Variants in LSM14A observed in about 807,000 individuals in gnomAD.
LSM14A encodes the protein LSM14A mRNA processing body assembly factor.
A neutral mutation model predicts 52.4 loss-of-function variants in LSM14A; 14 were observed. That is an observed-to-expected ratio of 0.27 (90% CI 0.18 to 0.42). The LOEUF is 0.42. Among genes scored for constraint, LSM14A ranks in the 10% least tolerant of loss-of-function variants. The pLI, the probability that LSM14A is intolerant of heterozygous loss-of-function variation, is 1.00. For missense variants in LSM14A, 417 were observed against 581.8 expected, an observed-to-expected ratio of 0.72 and a Z score of 2.91; for synonymous variants, 185 against 200.3, an observed-to-expected ratio of 0.92 and a Z score of 0.64.
At chr19:34,196,865 G>C in intron 3 of LSM14A, 102 bp downstream of exon 3, 2 of 1,000,248 alleles carry the variant, frequency 2.0e-6, no homozygotes, top group Non-Finnish European at 2.9e-6. Context: ...GTTGTTTGAT[G>C]TTCCTTTTGT....
chr19:34,179,797 ATAGTT>A (rs1159132690), intron 1 of LSM14A, among the ~76,000 whole-genome samples: 1 of 152,248 alleles, frequency 6.6e-6, no homozygotes, highest in Non-Finnish European at 1.5e-5. Flanking sequence ...GTAACTACAG[ATAGTT>A]TAACTTGAAT....
intron 9 of LSM14A, among the ~76,000 whole-genome samples, chr19:34,225,990 A>G (rs2073316275): frequency 6.6e-6 from 1 of 151,824 alleles, no homozygotes; most frequent in Non-Finnish European, 1.5e-5. Flanking sequence ...TGAACCTGGG[A>G]GGTCAAGGCT....
At chr19:34,176,359 A>C (rs1366859595) in intron 1 of LSM14A, among the ~76,000 whole-genome samples, 1 of 152,124 alleles carries the variant, frequency 6.6e-6, no homozygotes, top group Non-Finnish European at 1.5e-5. Context: ...ATAAGATAAA[A>C]ATGAAATATT....
chr19:34,181,303 T>TA (rs2069464287), intron 1 of LSM14A, among the ~76,000 whole-genome samples: 2 of 152,214 alleles, frequency 1.3e-5, no homozygotes, highest in African/African-American at 4.8e-5. Flanking sequence ...CCACTGTACT[T>TA]GAACTGAATT....
chr19:34,196,572 T>G (rs1250873240), intron 2 of LSM14A, 62 bp from the exon 3 acceptor site: 6 of 1,488,992 alleles, frequency 4.0e-6, no homozygotes, highest in Non-Finnish European at 5.4e-6. Context: ...ATCTGGAATT[T>G]TTTTTTTCGT....
chr19:34,194,632 T>C lies in LSM14A; in HGVS notation c.276T>C (p.Ala92=). Residue 92 remains alanine (A), a synonymous_variant, in exon 2 of 10, where the codon GCT becomes GCC. Coordinates refer to ENST00000544216, the MANE Select transcript of LSM14A (RefSeq NM_015578.4). ...KPQCSLPQDP[A]IVQSSLGSST... The stretch of plus-strand genomic sequence containing the variant: ...AGTGTTCTTTGCCTCAAGACCCAGC[T>C]ATTGTTCAGGTAACTGATGGTAAAT... 2 of 1,614,192 alleles carry C rather than the reference T, an allele frequency of 1.2e-6. No individual in the cohort carries two copies. The highest frequency in any genetic ancestry group is 2.2e-5 in the East Asian group (1 of 44,884).
At chr19:34,181,037 C>T (rs1292009452) in intron 1 of LSM14A, among the ~76,000 whole-genome samples, 1 of 152,174 alleles carries the variant, frequency 6.6e-6, no homozygotes, top group Non-Finnish European at 1.5e-5. Flanking sequence ...TTTTGATAAA[C>T]TTACCCCTCA....
At chr19:34,183,167 C>A (rs1259242298) in intron 1 of LSM14A, among the ~76,000 whole-genome samples, 1 of 152,138 alleles carries the variant, frequency 6.6e-6, no homozygotes, top group African/African-American at 2.4e-5. Context: ...TAAATTTAAA[C>A]CATTGGGTAA....
Position 34,172,551 on chromosome 19 carries a change from G to A in LSM14A, c.-92G>A. The A allele has an allele frequency of 7.2e-7, 1 of 1,389,918 alleles. No individual in the cohort carries two copies. Among genetic ancestry groups the A allele is most frequent in the Non-Finnish European group, 9.4e-7 (1 of 1,066,196 alleles). The allele number at this position is 1,389,918 out of a possible 1,614,324, so 86.1% of individuals were successfully genotyped here. A position where few individuals can be genotyped will look rare whatever the true frequency, so the allele number is the denominator to read the frequency against. ...TGTTGGGTCTGAAGCGGCTGCTGTA[G>A]GCGCCGACGGAGCGAGCGGGCGTGC... On this transcript the variant is annotated 5_prime_UTR_variant, in exon 1 of 10. An upstream open reading frame in the 5' UTR loses its in-frame stop. Transcript: ENST00000544216.
intron 1 of LSM14A, among the ~76,000 whole-genome samples, chr19:34,173,470 C>T (rs902557759): frequency 6.6e-6 from 1 of 152,172 alleles, no homozygotes; most frequent in Non-Finnish European, 1.5e-5. Flanking sequence ...CCTTCTTGAC[C>T]AGGCAAGCTT....
chr19:34,196,242 A>C (rs2070827966), intron 2 of LSM14A, among the ~76,000 whole-genome samples: 2 of 152,208 alleles, frequency 1.3e-5, no homozygotes, highest in South Asian at 2.1e-4. Flanking sequence ...GATTGAAAAT[A>C]AGAGTAAAAT....
Position 34,209,022 on chromosome 19 carries a change from C to G in LSM14A, c.509C>G (p.Thr170Arg), listed in dbSNP as rs764222496. ...SAVGSAFTQD[T>R]RSLKTQLSQG... Reference sequence around the variant, plus strand: ...GTTGGTTCTGCCTTTACACAGGATACAAGATCTCTAAAAACACAGTTATCT... The same window carrying G: ...GTTGGTTCTGCCTTTACACAGGATAGAAGATCTCTAAAAACACAGTTATCT... Residue 170 changes from threonine (T) to arginine (R), a missense_variant, in exon 4 of 10, where the codon ACA becomes AGA. This residue lies in a region of LSM14A where 357 missense variants were observed against 457.0 expected (regional missense o/e 0.78). Coordinates refer to ENST00000544216, the MANE Select transcript of LSM14A (RefSeq NM_015578.4). 1.3e-6 allele frequency: 2 copies of G among 1,593,552 alleles called. No homozygotes were observed. The highest frequency in any genetic ancestry group is 1.7e-6 in the Non-Finnish European group (2 of 1,168,032).
intron 1 of LSM14A, among the ~76,000 whole-genome samples, chr19:34,179,092 A>T (rs1325139237): frequency 6.6e-6 from 1 of 152,258 alleles, no homozygotes; most frequent in African/African-American, 2.4e-5. Flanking sequence ...TACCTGGATA[A>T]TCATTCAAAT....
intron 9 of LSM14A, among the ~76,000 whole-genome samples, chr19:34,223,801 TAGC>T (rs2073194246): frequency 1.3e-5 from 2 of 152,348 alleles, no homozygotes; most frequent in South Asian, 4.1e-4. Context: ...ATGAGAATAA[TAGC>T]AGTAGTTACT....
At chr19:34,174,627 T>C (rs1378319156) in intron 1 of LSM14A, among the ~76,000 whole-genome samples, 1 of 152,258 alleles carries the variant, frequency 6.6e-6, no homozygotes, top group Non-Finnish European at 1.5e-5. Flanking sequence ...ACTTAGTTTT[T>C]GCTTGGCCTT....
Position 34,194,557 on chromosome 19 carries a change from C to A in LSM14A, c.201C>A (p.Phe67Leu), listed in dbSNP as rs2070707373. Residue 67 changes from phenylalanine to leucine, a missense_variant, in exon 2 of 10, where the codon TTC (phenylalanine) becomes TTA (leucine). By Grantham distance (22) the Phe-to-Leu change is conservative (BLOSUM62 0). Coordinates refer to ENST00000544216, the MANE Select transcript of LSM14A (RefSeq NM_015578.4). The part of the protein sequence containing the change: ...PRDEVFEYII[F>L]RGSDIKDLTV... ...ATGAAGTCTTTGAATACATTATATT[C>A]CGTGGGAGTGACATTAAAGACCTTA... 1 of 1,613,882 alleles carries A rather than the reference C, an allele frequency of 6.2e-7. No individual in the cohort carries two copies. The highest frequency in any genetic ancestry group is 1.3e-5 in the African/African-American group (1 of 74,912).
At chr19:34,221,145 C>T (rs1306772730) in intron 8 of LSM14A, among the ~76,000 whole-genome samples, 2 of 147,238 alleles carry the variant, frequency 1.4e-5, no homozygotes, top group African/African-American at 2.5e-5. Flanking sequence ...TGCAGTGGCT[C>T]GATCTCGACT....
At chr19:34,207,275 G>T (rs1405103995) in intron 3 of LSM14A, among the ~76,000 whole-genome samples, 1 of 152,170 alleles carries the variant, frequency 6.6e-6, no homozygotes, top group Non-Finnish European at 1.5e-5. Flanking sequence ...AGGAAACACA[G>T]AGCAGCCTGG....
In LSM14A at chr19:34,215,178, C is replaced by A; in HGVS notation, c.593C>A (p.Ala198Glu). The change falls in exon 5 of 10, where the codon GCA (alanine) becomes GAA (glutamate). Residue 198 changes from alanine (A) to glutamate (E), a missense_variant. Ala to Glu is a moderately radical substitution (Grantham distance 107). Around this residue, in one of 2 missense-constraint regions of LSM14A, gnomAD observed 357 missense variants for 457.0 expected, o/e 0.78. Coordinates refer to ENST00000544216, the MANE Select transcript of LSM14A (RefSeq NM_015578.4). ...PLRKSPTMEQAVQTASAHLPA... is the reference protein window; with the variant it reads ...PLRKSPTMEQEVQTASAHLPA... ...AGAAAAAGCCCAACCATGGAACAAG[C>A]AGTGCAGACCGCCTCAGCCCACTTA... 1 of 1,614,004 alleles carries A rather than the reference C, an allele frequency of 6.2e-7. No individual in the cohort carries two copies. Among genetic ancestry groups the A allele is most frequent in the Non-Finnish European group, 8.5e-7 (1 of 1,179,974 alleles).
Sources: gnomAD v4.1 joint callset for allele counts (sites outside exome capture counted in the v4.1 genomes callset) on GRCh38, gnomAD v4.1.1 for gene constraint, gnomAD v4.1.1 regional missense constraint, MANE v1.5 for transcripts, NCBI Gene and HGNC (gene_info 2026-07-23, HGNC 2026-07-21) for gene names.